The following HSD11B1L variants were observed in gnomAD, a reference collection of about 807,000 sequenced individuals.
The protein encoded by HSD11B1L is hydroxysteroid 11-beta-dehydrogenase 1-like protein.
In HSD11B1L, 22 loss-of-function variants were observed where a neutral mutation model predicts 27.0. That is an observed-to-expected ratio of 0.81 (90% CI 0.58 to 1.16). The LOEUF is 1.16. Among genes scored for constraint, HSD11B1L ranks in the 50% most tolerant of loss-of-function variants. The pLI is 0.00. For synonymous variants in HSD11B1L, 187 were observed against 189.2 expected (o/e 0.99, Z 0.09); for missense variants, 372 against 401.8 (o/e 0.93, Z 0.63).
In HSD11B1L at chr19:5,688,110, C is replaced by T; in HGVS notation, c.*165C>T. ...GAGAAAAACGACGGGCACCTGGAACCAGTCACGGCTTGGGAGGTGCAGGTG... is the reference window on the plus strand; with the variant it reads ...GAGAAAAACGACGGGCACCTGGAACTAGTCACGGCTTGGGAGGTGCAGGTG... On this transcript the variant is annotated 3_prime_UTR_variant, in exon 8 of 8. Transcript: ENST00000339423. 1 of 1,551,516 alleles carries T rather than the reference C, an allele frequency of 6.4e-7. No homozygotes were observed. The highest frequency in any genetic ancestry group is 8.7e-7 in the Non-Finnish European group (1 of 1,147,000).
At chr19:5,683,259 C>A (rs948376218) in intron 1 of HSD11B1L, among the ~76,000 whole-genome samples, 7 of 151,106 alleles carry the variant, frequency 4.6e-5, no homozygotes, top group Admixed American at 2.6e-4. Flanking sequence ...CTTTCACCTT[C>A]TCCCTGGAAT....
Position 5,684,977 on chromosome 19 carries a change from G to C in HSD11B1L, c.74-12G>C, listed in dbSNP as rs371417226. 6.2e-7 allele frequency: 1 copy of C among 1,610,866 alleles called. No individual in the cohort carries two copies. Among genetic ancestry groups the C allele is most frequent in the Non-Finnish European group, 8.5e-7 (1 of 1,178,766 alleles). ...GTCCTCCGCCCAGAGTGACCACCCC[G>C]GCTATGGCCAGCCAGCCTCCAGGGA... is the stretch of plus-strand genomic sequence containing the variant. On this transcript the variant is annotated splice_polypyrimidine_tract_variant and intron_variant, in intron 2 of 7. Coordinates refer to ENST00000339423, the MANE Select transcript of HSD11B1L (RefSeq NM_198706.3).
chr19:5,686,710 T>A (rs2145556760), intron 4 of HSD11B1L, among the ~76,000 whole-genome samples, 183 bp downstream of exon 4: 1 of 152,260 alleles, frequency 6.6e-6, no homozygotes, highest in East Asian at 1.9e-4. Context: ...GAACGGGGCC[T>A]CGTTGAATGG....
chr19:5,687,165 G>C lies in HSD11B1L; in HGVS notation c.409-117G>C. The C allele has an allele frequency of 8.1e-7, 1 of 1,235,600 alleles. No homozygotes were observed. The highest frequency in any genetic ancestry group is 1.1e-6 in the Non-Finnish European group (1 of 890,482). 76.5% of individuals were successfully genotyped at this position (1,235,600 alleles called of 1,614,324 possible). A position where few individuals can be genotyped will look rare whatever the true frequency, so the allele number is the denominator to read the frequency against. On this transcript the variant is annotated intron_variant, in intron 5 of 7. Transcript: ENST00000339423. The surrounding 1 kb of genome is among the most constrained non-coding windows in gnomAD (Gnocchi z 6.6). ...CGGCCTTGACCCCGCCCTCGGACCC[G>C]CCTTCCGGGTTTCTGGCCCCGTCTC...
Position 5,685,506 on chromosome 19 carries a change from G to A in HSD11B1L, c.204+387G>A, listed in dbSNP as rs564130698. ...GCGGATGGATCACTTGAGGTCAGGA[G>A]TTCAAAACCAGCCTGGCCAACATGG... On this transcript the variant is annotated intron_variant, in intron 3 of 7. Coordinates refer to ENST00000339423, the MANE Select transcript of HSD11B1L (RefSeq NM_198706.3). This position sits in a 1 kb window ranked among gnomAD's most constrained non-coding sequence, Gnocchi z 4.3. The A allele has an allele frequency of 3.2e-6, 1 of 309,834 alleles. No homozygotes were observed. The highest frequency in any genetic ancestry group is 4.5e-5 in the Admixed American group (1 of 22,456). The allele number at this position is 309,834 out of a possible 1,614,324, so 19.2% of individuals were successfully genotyped here.
chr19:5,685,088 T>C lies in HSD11B1L; in HGVS notation c.173T>C (p.Leu58Pro). 4 of 1,550,908 alleles carry C rather than the reference T, an allele frequency of 2.6e-6. No homozygotes were observed. Among genetic ancestry groups the C allele is most frequent in the Non-Finnish European group, 3.5e-6 (4 of 1,147,528 alleles). Residue 58 changes from leucine to proline, a missense_variant, in exon 3 of 8, where the codon CTC becomes CCC. Transcript: ENST00000339423. This position sits in a 1 kb window ranked among gnomAD's most constrained non-coding sequence, Gnocchi z 4.3. ...GCGCGTCTGGGCTCCCACCTGGTGCTCACTGCCCACACTGAGGCTCTCCTG... is the reference window on the plus strand; with the variant it reads ...GCGCGTCTGGGCTCCCACCTGGTGCCCACTGCCCACACTGAGGCTCTCCTG... ...HYARLGSHLV[L>P]TAHTEALLQK...
chr19:5,684,973 C>A lies in HSD11B1L; in HGVS notation c.74-16C>A, dbSNP rs779595609. 1.9e-6 allele frequency: 3 copies of A among 1,611,692 alleles called. No individual in the cohort carries two copies. Among genetic ancestry groups the A allele is most frequent in the Non-Finnish European group, 2.5e-6 (3 of 1,179,088 alleles). On this transcript the variant is annotated splice_polypyrimidine_tract_variant and intron_variant, in intron 2 of 7. Transcript: ENST00000339423. The stretch of plus-strand genomic sequence containing the variant: ...TCCTGTCCTCCGCCCAGAGTGACCA[C>A]CCCGGCTATGGCCAGCCAGCCTCCA...
At position 5,687,737 on chromosome 19, in the gene HSD11B1L, G is replaced by C; in HGVS notation, c.669-16G>C. The C allele has an allele frequency of 6.7e-7, 1 of 1,494,660 alleles. No homozygotes were observed. The highest frequency in any genetic ancestry group is 1.3e-5 in the South Asian group (1 of 75,998). 92.6% of individuals were successfully genotyped at this position (1,494,660 alleles called of 1,614,324 possible). On this transcript the variant is annotated splice_polypyrimidine_tract_variant and intron_variant, in intron 7 of 7. Coordinates refer to ENST00000339423, the MANE Select transcript of HSD11B1L (RefSeq NM_198706.3). The surrounding 1 kb of genome is among the most constrained non-coding windows in gnomAD (Gnocchi z 6.6). ...CAGCCCCAGCCGCAGTCCCCACCGT[G>C]CCCTCCTGTCCCCAGGGGAGTCACG...
intron 1 of HSD11B1L, among the ~76,000 whole-genome samples, chr19:5,683,171 T>A (rs2054601011): frequency 7.9e-6 from 1 of 126,618 alleles, no homozygotes. Flanking sequence ...TTACAAAGTG[T>A]AATCCCAGCC....
Position 5,687,877 on chromosome 19 carries a change from C to CGCT in HSD11B1L, c.795_797dup (p.Arg265_Trp266insCys). On this transcript the variant is annotated inframe_insertion, in exon 8 of 8. Coordinates refer to ENST00000339423, the MANE Select transcript of HSD11B1L (RefSeq NM_198706.3). The surrounding 1 kb of genome is among the most constrained non-coding windows in gnomAD (Gnocchi z 6.6). ...TTTCCGCCTGCTGTGCTTGCTCCGG[C>CGCT]GCTGGCTACCGCGCCCGCGGGCCTG... 6.3e-7 allele frequency: 1 copy of CGCT among 1,580,256 alleles called. No homozygotes were observed. Among genetic ancestry groups the CGCT allele is most frequent in the Non-Finnish European group, 8.6e-7 (1 of 1,164,156 alleles).
At position 5,688,370 on chromosome 19, in the gene HSD11B1L, T is replaced by G; in HGVS notation, c.*425T>G. On this transcript the variant is annotated 3_prime_UTR_variant, in exon 8 of 8. Transcript: ENST00000339423. ...CCCCCCAACTCCTGCCAGCTTCCCC[T>G]AGCTGGGGTCTCTGGTACTCTTCAC... The G allele has an allele frequency of 3.2e-6, 2 of 628,484 alleles. No individual in the cohort carries two copies. The highest frequency in any genetic ancestry group is 5.5e-6 in the Non-Finnish European group (2 of 364,302). The allele number at this position is 628,484 out of a possible 1,614,324, so 38.9% of individuals were successfully genotyped here.
At position 5,687,211 on chromosome 19, in the gene HSD11B1L, C is replaced by T; in HGVS notation, c.409-71C>T. On this transcript the variant is annotated intron_variant, in intron 5 of 7. Transcript: ENST00000339423. The surrounding 1 kb of genome is among the most constrained non-coding windows in gnomAD (Gnocchi z 6.6). Reference sequence around the variant, plus strand: ...GTCTCTGACCCGGCCCTGGCCCCGCCCTCTGGGTTTCTGGCCCCGCCCTGC... The same window carrying T: ...GTCTCTGACCCGGCCCTGGCCCCGCTCTCTGGGTTTCTGGCCCCGCCCTGC... 1 of 1,519,704 alleles carries T rather than the reference C, an allele frequency of 6.6e-7. No homozygotes were observed. Among genetic ancestry groups the T allele is most frequent in the Non-Finnish European group, 8.9e-7 (1 of 1,118,116 alleles). 94.1% of individuals were successfully genotyped at this position (1,519,704 alleles called of 1,614,324 possible). A position where few individuals can be genotyped will look rare whatever the true frequency, so the allele number is the denominator to read the frequency against.
At position 5,687,928 on chromosome 19, in the gene HSD11B1L, A is replaced by T. The variant is rs907737457; in HGVS notation, c.844A>T (p.Thr282Ser). 1.3e-6 allele frequency: 2 copies of T among 1,564,282 alleles called. No individual in the cohort carries two copies. Among genetic ancestry groups the T allele is most frequent in the Non-Finnish European group, 1.7e-6 (2 of 1,153,906 alleles). The change falls in exon 8 of 8, where the codon ACG (threonine) becomes TCG (serine). Residue 282 changes from threonine (T) to serine (S), a missense_variant. Transcript: ENST00000339423. The surrounding 1 kb of genome is among the most constrained non-coding windows in gnomAD (Gnocchi z 6.6). Reference protein sequence around the residue: ...AWFIRQELNVTAAAA With the variant: ...AWFIRQELNVSAAAA ...GTTTATCCGCCAGGAGCTCAACGTC[A>T]CGGCCGCGGCAGCCTGAGCACCGGG...
chr19:5,684,290 C>A (rs893851100), intron 1 of HSD11B1L: 10 of 333,620 alleles, frequency 3.0e-5, no homozygotes, highest in Non-Finnish European at 5.4e-5. Flanking sequence ...TGCTGGGATT[C>A]CAGGCATGAG....
rs1243635906 is a variant in HSD11B1L, at chr19:5,686,893, G to C, written c.317-7G>C. Reference sequence around the variant, plus strand: ...GCCTCCGGGGCTGACCGGCGTTTCTGGGCCAGGCGGGCTGGACTACCTCGT... The same window carrying C: ...GCCTCCGGGGCTGACCGGCGTTTCTCGGCCAGGCGGGCTGGACTACCTCGT... On this transcript the variant is annotated splice_region_variant and splice_polypyrimidine_tract_variant and intron_variant, in intron 4 of 7. Transcript: ENST00000339423. 6.5e-7 allele frequency: 1 copy of C among 1,541,666 alleles called. No individual in the cohort carries two copies. The highest frequency in any genetic ancestry group is 2.0e-5 in the Admixed American group (1 of 49,424).
chr19:5,686,311 AGGGGGGGGTTTTCAGGC>A, intron 3 of HSD11B1L, 88 bp from the exon 4 acceptor site: 1 of 717,970 alleles, frequency 1.4e-6, no homozygotes. Context: ...GGCTCAGAGT[AGGGGGGGGTTTTCAGGC>A]GGGGGCCTCC....
chr19:5,686,313 G>C (rs1039257609), intron 3 of HSD11B1L, 103 bp from the exon 4 acceptor site: 1 of 765,522 alleles, frequency 1.3e-6, no homozygotes. Flanking sequence ...CTCAGAGTAG[G>C]GGGGGGTTTT....
In HSD11B1L at chr19:5,688,303, G is replaced by C; in HGVS notation, c.*358G>C. 1.1e-6 allele frequency: 1 copy of C among 929,522 alleles called. No homozygotes were observed. Among genetic ancestry groups the C allele is most frequent in the Non-Finnish European group, 1.6e-6 (1 of 632,076 alleles). The allele number at this position is 929,522 out of a possible 1,614,324, so 57.6% of individuals were successfully genotyped here. On this transcript the variant is annotated 3_prime_UTR_variant, in exon 8 of 8. Transcript: ENST00000339423. ...CTCCATCTCCTGCCTGCGCCTTTAA[G>C]TCCCTGATTTATTCTTTCCATTCAT... is the stretch of plus-strand genomic sequence containing the variant.
At position 5,681,269 on chromosome 19, in the gene HSD11B1L, C is replaced by T; in HGVS notation, c.-17C>T. ...ACAGTGGGGGAAACTGAGGCCTGAG[C>T]GGGTGAGTGCACGGTTTAGGGGTGC... On this transcript the variant is annotated splice_region_variant and 5_prime_UTR_variant, in exon 1 of 8. Transcript: ENST00000339423. The T allele has an allele frequency of 6.6e-6, 1 of 152,594 alleles. No individual in the cohort carries two copies. The allele number at this position is 152,594 out of a possible 1,614,324, so 9.5% of individuals were successfully genotyped here.
Sources: allele counts gnomAD v4.1 joint callset (sites outside exome capture counted in the v4.1 genomes callset), GRCh38; gene constraint gnomAD v4.1.1; non-coding constraint Gnocchi (gnomAD v3.1); transcripts MANE v1.5; gene names NCBI Gene and HGNC (gene_info 2026-07-23, HGNC 2026-07-21).